KCNH5: variants seen among roughly 807,000 people sequenced by gnomAD.
The protein encoded by KCNH5 is potassium voltage-gated channel subfamily H member 5, also known as voltage-gated delayed rectifier potassium channel KCNH5.
In KCNH5, 46 loss-of-function variants were observed where a neutral mutation model predicts 96.1. The ratio of observed to expected loss-of-function variants is 0.48; its 90% CI spans 0.38 to 0.61. KCNH5 has a LOEUF of 0.61. KCNH5 is among the 20% of genes least tolerant of loss of function. The probability of loss-of-function intolerance (pLI) is 0.00; values close to 1 mark genes in which losing one functional copy is unlikely to be tolerated. For synonymous variants in KCNH5, 439 were observed against 449.8 expected, an observed-to-expected ratio of 0.98 and a Z score of 0.30; for missense variants, 907 against 1,225.8, an observed-to-expected ratio of 0.74 and a Z score of 3.88.
intron 7 of KCNH5, among the ~76,000 whole-genome samples, chr14:62,891,728 T>C (rs558692301): frequency 6.6e-6 from 1 of 152,350 alleles, no homozygotes; most frequent in African/African-American, 2.4e-5. Flanking sequence ...TATGTGCTCA[T>C]TTTGTGTCTC....
At chr14:62,724,860 A>G (rs775767447) in intron 10 of KCNH5, among the ~76,000 whole-genome samples, 20 of 152,246 alleles carry the variant, frequency 1.3e-4, no homozygotes, top group Non-Finnish European at 5.9e-5. Flanking sequence ...ATTGAAACTT[A>G]GAATTTGAAA....
intron 7 of KCNH5, among the ~76,000 whole-genome samples, chr14:62,943,111 G>C (rs1040072069): frequency 6.6e-6 from 1 of 152,134 alleles, no homozygotes; most frequent in African/African-American, 2.4e-5. Flanking sequence ...TTATGGCAAA[G>C]AGTTATTCAA....
intron 6 of KCNH5, among the ~76,000 whole-genome samples, chr14:62,971,606 T>C (rs1017453112): frequency 6.6e-6 from 1 of 151,966 alleles, no homozygotes; most frequent in African/African-American, 2.4e-5. Context: ...ACTTTAAGAC[T>C]AACTATAAAA....
At chr14:62,847,153 TTA>T (rs556847691) in intron 8 of KCNH5, among the ~76,000 whole-genome samples, 4 of 147,080 alleles carry the variant, frequency 2.7e-5, no homozygotes, top group Admixed American at 6.8e-5. Context: ...TATATATTTT[TTA>T]TATATATATA....
intron 4 of KCNH5, among the ~76,000 whole-genome samples, chr14:63,001,069 T>C (rs1891001716): frequency 6.6e-6 from 1 of 152,100 alleles, no homozygotes; most frequent in South Asian, 2.1e-4. Context: ...AGTGAGACCT[T>C]GACTAAAAGA....
intron 6 of KCNH5, among the ~76,000 whole-genome samples, chr14:62,955,861 T>C (rs967396221): frequency 5.3e-5 from 8 of 152,160 alleles, no homozygotes; most frequent in Non-Finnish European, 1.2e-4. Context: ...ATTGTTCACA[T>C]GAGGACACTG....
In KCNH5 at chr14:62,927,579, C is replaced by T. The variant is rs140840610; in HGVS notation, c.1369+22554G>A. ...TACAAAAGGAAAAATTTGACATATG[C>T]TACAAAATGGAGAAATCTTGAGGAC... On this transcript the variant is annotated intron_variant, in intron 7 of 10. Transcript: ENST00000322893. Among the ~76,000 whole-genome samples, 285 of 152,158 alleles carry T rather than the reference C, an allele frequency of 1.9e-3. 6 individuals are homozygous for T. The highest frequency in any genetic ancestry group is 6.6e-3 in the African/African-American group (275 of 41,528).
At chr14:62,929,261 A>G (rs1415891048) in intron 7 of KCNH5, among the ~76,000 whole-genome samples, 1 of 152,018 alleles carries the variant, frequency 6.6e-6, no homozygotes, top group Admixed American at 6.6e-5. Context: ...AAACATAACC[A>G]GAGTCTCGCC....
At chr14:62,833,164 A>G (rs77205587) in intron 8 of KCNH5, among the ~76,000 whole-genome samples, 6,461 of 151,534 alleles carry the variant, frequency 0.043, 282 homozygotes, top group African/African-American at 0.11. Flanking sequence ...TCCCCTCACT[A>G]TCTAGTTTTG....
chr14:62,847,511 T>G (rs1363769625), intron 8 of KCNH5, among the ~76,000 whole-genome samples: 1 of 152,140 alleles, frequency 6.6e-6, no homozygotes, highest in African/African-American at 2.4e-5. Flanking sequence ...GTATGTTTCA[T>G]ATATGAACAA....
At chr14:62,917,867 G>A (rs189610917) in intron 7 of KCNH5, among the ~76,000 whole-genome samples, 9 of 152,158 alleles carry the variant, frequency 5.9e-5, no homozygotes, top group African/African-American at 1.4e-4. Context: ...ACTGGAATCC[G>A]ATTACTCCAA....
rs1889160287 is a variant in KCNH5, at chr14:62,911,770, C to G, written c.1369+38363G>C. Among the ~76,000 whole-genome samples, 4 of 150,804 alleles carry G rather than the reference C, an allele frequency of 2.7e-5. No individual in the cohort carries two copies. The South Asian group carries it at 8.3e-4, about 31-fold the overall frequency. On this transcript the variant is annotated intron_variant, in intron 7 of 10. Transcript: ENST00000322893. ...ACTGTCAAGTAGCTGGGCACGGTGG[C>G]TCACACCTGTAATCCCAGCACTTTA...
chr14:63,024,164 A>T (rs891617717), intron 1 of KCNH5, among the ~76,000 whole-genome samples: 1 of 151,634 alleles, frequency 6.6e-6, no homozygotes, highest in Non-Finnish European at 1.5e-5. Context: ...AACCGAGATC[A>T]TGCCACTGCA....
At chr14:62,914,115 C>T (rs554295965) in intron 7 of KCNH5, among the ~76,000 whole-genome samples, 84 of 152,254 alleles carry the variant, frequency 5.5e-4, no homozygotes, top group African/African-American at 1.5e-3. Context: ...AAGATTATTA[C>T]AAAAATTAAA....
chr14:63,030,610 G>A (rs961212437), intron 1 of KCNH5, among the ~76,000 whole-genome samples: 16 of 152,202 alleles, frequency 1.1e-4, no homozygotes, highest in African/African-American at 2.4e-4. Flanking sequence ...ATTCATCCCC[G>A]TCCCCAAATG....
chr14:62,722,393 TG>T (rs1212352977), intron 10 of KCNH5, among the ~76,000 whole-genome samples: 4 of 151,968 alleles, frequency 2.6e-5, no homozygotes, highest in African/African-American at 9.7e-5. Context: ...ATTATAAAGA[TG>T]AAAAAAAACC....
At chr14:62,934,712 C>T (rs1889645166) in intron 7 of KCNH5, among the ~76,000 whole-genome samples, 1 of 152,104 alleles carries the variant, frequency 6.6e-6, no homozygotes, top group Non-Finnish European at 1.5e-5. Context: ...TCAAATTAGA[C>T]TTTTTTAAAG....
chr14:62,708,059 C>T lies in KCNH5; in HGVS notation c.2416G>A (p.Gly806Arg). The change falls in exon 11 of 11, where the codon GGA becomes AGA. Residue 806 changes from glycine (G) to arginine (R), a missense_variant. Gly to Arg is a moderately radical substitution (Grantham distance 125). Coordinates refer to ENST00000322893, the MANE Select transcript of KCNH5 (RefSeq NM_139318.5). ...AGTCGCAGCCACCCTTTTCCATTTC[C>T]ATTCTTCATTCTTATTGGGCTGTTG... Reference protein sequence around the residue: ...KVNSPIRMKNGNGKGWLRLKN... With the variant: ...KVNSPIRMKNRNGKGWLRLKN... The T allele has an allele frequency of 6.2e-7, 1 of 1,614,172 alleles. No homozygotes were observed.
At chr14:63,019,591 G>A (rs903451743) in intron 1 of KCNH5, among the ~76,000 whole-genome samples, 8 of 152,028 alleles carry the variant, frequency 5.3e-5, no homozygotes, top group African/African-American at 1.9e-4. Flanking sequence ...AATAGGTAAA[G>A]TCTTTTTCAA....
Sources: allele counts gnomAD v4.1 joint callset (sites outside exome capture counted in the v4.1 genomes callset), GRCh38; gene constraint gnomAD v4.1.1; transcripts MANE v1.5; gene names NCBI Gene and HGNC (gene_info 2026-07-23, HGNC 2026-07-21).